Variants in C12orf42 observed in about 807,000 individuals in gnomAD.
The protein encoded by C12orf42 is uncharacterized protein C12orf42.
A neutral mutation model predicts 21.6 loss-of-function variants in C12orf42; 25 were observed. The ratio of observed to expected loss-of-function variants is 1.16; its 90% confidence interval spans 0.84 to 1.62. The LOEUF is 1.62. Ranked by LOEUF, C12orf42 falls within the 40% of genes most tolerant of loss-of-function variation. The pLI, the probability that C12orf42 is intolerant of heterozygous loss-of-function variation, is 0.00. For synonymous variants in C12orf42, 174 were observed against 175.0 expected (o/e 0.99, Z 0.05); for missense variants, 483 against 459.3 (o/e 1.05, Z -0.47).
intron 5 of C12orf42, among the ~76,000 whole-genome samples, chr12:103,272,269 A>G (rs1477679539): frequency 6.6e-6 from 1 of 152,194 alleles, no homozygotes; most frequent in South Asian, 2.1e-4. Context: ...TTATGTTGGC[A>G]TTAAAGGAGC....
At chr12:103,116,886 T>A in the C12orf42 span, among the ~76,000 whole-genome samples, 1 of 152,154 alleles carries the variant, frequency 6.6e-6, no homozygotes, top group Admixed American at 6.6e-5. Flanking sequence ...TGCCTAATCT[T>A]TTTTAAATTT....
At chr12:103,240,818 T>C (rs2033700693) in intron 10 of C12orf42, among the ~76,000 whole-genome samples, 1 of 152,178 alleles carries the variant, frequency 6.6e-6, no homozygotes, top group South Asian at 2.1e-4. Context: ...AAGAAAACTG[T>C]AGGCTCCTAG....
the C12orf42 span, among the ~76,000 whole-genome samples, chr12:103,068,257 A>G: frequency 6.6e-6 from 1 of 152,048 alleles, no homozygotes; most frequent in African/African-American, 2.4e-5. Context: ...CCTTCATTTT[A>G]TTTTTTTCTC....
At chr12:103,096,174 C>T in the C12orf42 span, among the ~76,000 whole-genome samples, 2 of 152,130 alleles carry the variant, frequency 1.3e-5, no homozygotes, top group Admixed American at 1.3e-4. Flanking sequence ...CCGTAAAAAG[C>T]AATCAGGTGC....
At chr12:103,224,314 A>C in the C12orf42 span, among the ~76,000 whole-genome samples, 1 of 152,172 alleles carries the variant, frequency 6.6e-6, no homozygotes, top group South Asian at 2.1e-4. Flanking sequence ...TATTTCCTTG[A>C]GGATAGATTT....
At chr12:103,226,697 G>A in the C12orf42 span, among the ~76,000 whole-genome samples, 3 of 152,150 alleles carry the variant, frequency 2.0e-5, no homozygotes, top group Admixed American at 2.0e-4. Context: ...AAGAGGCTGA[G>A]GAAGAATTGG....
chr12:103,477,227 G>T (rs552682672), intron 2 of C12orf42, among the ~76,000 whole-genome samples: 1 of 152,130 alleles, frequency 6.6e-6, no homozygotes, highest in Admixed American at 6.5e-5. Flanking sequence ...AGAAAGCACA[G>T]GATAGATTTT....
chr12:103,156,574 G>C, the C12orf42 span, among the ~76,000 whole-genome samples: 1 of 152,212 alleles, frequency 6.6e-6, no homozygotes, highest in African/African-American at 2.4e-5. Context: ...AGGAAAATGT[G>C]TGCCATGGTG....
the C12orf42 span, among the ~76,000 whole-genome samples, chr12:103,560,680 A>G: frequency 6.6e-6 from 1 of 152,284 alleles, no homozygotes; most frequent in African/African-American, 2.4e-5. Flanking sequence ...AGGACAAGCA[A>G]TGGTTGAATA....
chr12:103,393,963 C>T (rs563156111), intron 3 of C12orf42, among the ~76,000 whole-genome samples: 37 of 152,296 alleles, frequency 2.4e-4, no homozygotes, highest in African/African-American at 8.9e-4. Flanking sequence ...TGATATCATC[C>T]TCATATCATT....
At chr12:103,076,132 A>C in the C12orf42 span, among the ~76,000 whole-genome samples, 2 of 152,128 alleles carry the variant, frequency 1.3e-5, no homozygotes, top group African/African-American at 4.8e-5. Context: ...AATGCTATAT[A>C]GAAGATGGGT....
At chr12:103,145,926 T>G in the C12orf42 span, among the ~76,000 whole-genome samples, 1 of 151,032 alleles carries the variant, frequency 6.6e-6, no homozygotes, top group Non-Finnish European at 1.5e-5. Flanking sequence ...ATATAGAGTT[T>G]GTGTGAATTT....
Position 103,368,317 on chromosome 12 carries a change from TCACACACACA to T in C12orf42, c.259+560_259+569del, listed in dbSNP as rs3065785. Among the ~76,000 whole-genome samples, 91 of 146,618 alleles carry T rather than the reference TCACACACACA, an allele frequency of 6.2e-4. 1 individual carries two copies. In the East Asian group the frequency reaches 9.5e-3, roughly 15 times the overall value. On this transcript the variant is annotated intron_variant, in intron 4 of 5. Coordinates refer to ENST00000548883, the MANE Select transcript of C12orf42 (RefSeq NM_198521.5). ...TTCTCTCTCTTTCTGTCTCTCTCTC[TCACACACACA>T]CACACACACACACACACACATTTTG... is the stretch of plus-strand genomic sequence containing the variant.
At chr12:103,425,130 C>G (rs1340779420) in intron 2 of C12orf42, among the ~76,000 whole-genome samples, 1 of 152,204 alleles carries the variant, frequency 6.6e-6, no homozygotes, top group Non-Finnish European at 1.5e-5. Flanking sequence ...CAGACTGCCT[C>G]TCTAGATTCC....
At chr12:103,135,074 T>C in the C12orf42 span, among the ~76,000 whole-genome samples, 54,259 of 152,004 alleles carry the variant, frequency 0.36, 10,202 homozygotes, top group East Asian at 0.48. Flanking sequence ...AAGTCTTTCC[T>C]AGACAAGCAA....
At chr12:103,434,903 C>T (rs1191355006) in intron 2 of C12orf42, among the ~76,000 whole-genome samples, 2 of 152,228 alleles carry the variant, frequency 1.3e-5, no homozygotes, top group Non-Finnish European at 2.9e-5. Flanking sequence ...CCCACCACAG[C>T]TCAAGGAGGC....
chr12:103,369,577 T>C (rs2045003063), intron 3 of C12orf42, among the ~76,000 whole-genome samples: 1 of 146,592 alleles, frequency 6.8e-6, no homozygotes, highest in Non-Finnish European at 1.5e-5. Context: ...AGGCAGGGGA[T>C]AGGGAAGGGG....
intron 10 of C12orf42, among the ~76,000 whole-genome samples, chr12:103,248,304 A>C (rs1036226217): frequency 1.3e-5 from 2 of 152,064 alleles, no homozygotes; most frequent in African/African-American, 2.4e-5. Flanking sequence ...ATCTATGGAA[A>C]TCAACATGAT....
downstream of C12orf42, among the ~76,000 whole-genome samples, chr12:103,233,257 C>A (rs559593855): frequency 8.5e-5 from 13 of 152,324 alleles, no homozygotes; most frequent in African/African-American, 3.1e-4. Flanking sequence ...CAGATAGTGT[C>A]AGTCCTCCAA....
Sources: allele counts gnomAD v4.1 joint callset (sites outside exome capture counted in the v4.1 genomes callset), GRCh38; gene constraint gnomAD v4.1.1; transcripts MANE v1.5; gene names NCBI Gene and HGNC (gene_info 2026-07-23, HGNC 2026-07-21).